INO80: variants seen among roughly 807,000 people sequenced by gnomAD.
The protein encoded by INO80 is INO80 complex ATPase subunit, also known as chromatin-remodeling ATPase INO80.
Under a neutral mutation model 203.4 loss-of-function variants are expected in INO80, and 20 were observed. The observed-to-expected ratio is 0.10, with a 90% CI of 0.07 to 0.14. The LOEUF (loss-of-function observed/expected upper bound fraction) is 0.14. Among genes scored for constraint, INO80 ranks in the 10% least tolerant of loss-of-function variants. The pLI is 1.00. For synonymous variants in INO80, 726 were observed against 685.2 expected (o/e 1.06, Z -0.93); for missense variants, 1,419 against 1,914.4 (o/e 0.74, Z 4.83).
chr15:41,051,054 G>A (rs561777310), intron 19 of INO80, among the ~76,000 whole-genome samples: 27 of 147,174 alleles, frequency 1.8e-4, no homozygotes, highest in East Asian at 1.8e-3. Context: ...ACTTGAACCC[G>A]GGAGGCAGAA....
At chr15:41,080,579 G>A (rs1189480381) in intron 8 of INO80, among the ~76,000 whole-genome samples, 1 of 152,202 alleles carries the variant, frequency 6.6e-6, no homozygotes, top group Non-Finnish European at 1.5e-5. Flanking sequence ...ATTGAGGCCG[G>A]GCGCGGTGGC....
At chr15:41,033,696 T>C (rs958098914) in intron 24 of INO80, among the ~76,000 whole-genome samples, 2 of 152,162 alleles carry the variant, frequency 1.3e-5, no homozygotes, top group African/African-American at 2.4e-5. Flanking sequence ...GTTTTTGTTC[T>C]ACAAACATAA....
chr15:41,087,601 G>A lies in INO80; in HGVS notation c.619C>T (p.Pro207Ser). The change falls in exon 6 of 36, where the codon CCC (proline) becomes TCC (serine). Residue 207 changes from proline (P) to serine (S), a missense_variant. Pro to Ser is a moderately conservative substitution (Grantham distance 74, BLOSUM62 -1). Around this residue, in one of 9 missense-constraint regions of INO80, gnomAD observed 323 missense variants for 325.4 expected, o/e 0.99. Coordinates refer to ENST00000648947, the MANE Select transcript of INO80 (RefSeq NM_017553.3). ...FYEQQRHLLG[P>S]KKKKFKEEKK... Reference sequence around the variant, plus strand: ...TCCTCCTTAAATTTCTTTTTCTTGGGTCCAAGTAGGTGCCGTTGTTGCTCA... The same window carrying A: ...TCCTCCTTAAATTTCTTTTTCTTGGATCCAAGTAGGTGCCGTTGTTGCTCA... The A allele has an allele frequency of 6.2e-7, 1 of 1,613,764 alleles. No homozygotes were observed. The highest frequency in any genetic ancestry group is 8.5e-7 in the Non-Finnish European group (1 of 1,179,954).
rs751407826 is a variant in INO80, at chr15:41,035,526, T to TA, written c.2908-7791dup. Among the ~76,000 whole-genome samples, 736 of 132,128 alleles carry TA rather than the reference T, an allele frequency of 5.6e-3. 2 individuals are homozygous for TA. The highest frequency in any genetic ancestry group is 7.0e-3 in the South Asian group (29 of 4,160). The allele number at this position is 132,128 out of a possible 152,430, so 86.7% of individuals were successfully genotyped here. ...GGGTGACAAAGCAAGACTACATCTCTAAAAAAAAAAAAAGACCGGGCGCGG... is the reference window on the plus strand; with the variant it reads ...GGGTGACAAAGCAAGACTACATCTCTAAAAAAAAAAAAAAGACCGGGCGCGG... On this transcript the variant is annotated intron_variant, in intron 24 of 35. Transcript: ENST00000648947.
At chr15:41,078,696 A>C (rs1250619460) in intron 9 of INO80, among the ~76,000 whole-genome samples, 1 of 152,118 alleles carries the variant, frequency 6.6e-6, no homozygotes, top group Admixed American at 6.6e-5. Flanking sequence ...TCTTTCTTCA[A>C]ATCTCAACTC....
chr15:41,033,556 G>T (rs2044524515), intron 24 of INO80, among the ~76,000 whole-genome samples: 1 of 152,044 alleles, frequency 6.6e-6, no homozygotes, highest in Non-Finnish European at 1.5e-5. Context: ...AATAACTCTG[G>T]CCAGAGGTAC....
At position 41,087,638 on chromosome 15, in the gene INO80, A is replaced by G. The variant is rs965515698; in HGVS notation, c.582T>C (p.Tyr194=). The G allele has an allele frequency of 3.1e-6, 5 of 1,613,926 alleles. No individual in the cohort carries two copies. Among genetic ancestry groups the G allele is most frequent in the Non-Finnish European group, 2.5e-6 (3 of 1,179,948 alleles). The stretch of plus-strand genomic sequence containing the variant: ...GCCGTTGTTGCTCATAGAAAGGGTC[A>G]TATGTGGAGAGCAGGCCTGCACTGT... ...QYYSAGLLST[Y]DPFYEQQRHL... is the part of the protein sequence containing the mutation. The change falls in exon 6 of 36, where the codon TAT becomes TAC. Residue 194 remains tyrosine, a synonymous_variant. Coordinates refer to ENST00000648947, the MANE Select transcript of INO80 (RefSeq NM_017553.3).
At chr15:41,044,331 T>C (rs988833203) in intron 24 of INO80, among the ~76,000 whole-genome samples, 2 of 152,142 alleles carry the variant, frequency 1.3e-5, no homozygotes, top group East Asian at 1.9e-4. Context: ...GATTAATAAA[T>C]TGTGGTCCAT....
At chr15:41,028,000 A>G (rs1472794436) in intron 24 of INO80, 3 of 240,612 alleles carry the variant, frequency 1.2e-5, no homozygotes, top group Non-Finnish European at 2.4e-5. Flanking sequence ...ATTGTTAATC[A>G]AAAACAGGCA....
intron 31 of INO80, among the ~76,000 whole-genome samples, chr15:40,986,513 C>CG (rs537965371): frequency 7.4e-4 from 112 of 151,984 alleles, no homozygotes; most frequent in African/African-American, 2.6e-3. Flanking sequence ...TTAGTAGAGA[C>CG]GGGGCTTCAC....
intron 1 of INO80, among the ~76,000 whole-genome samples, chr15:41,111,728 G>A (rs1288640228): frequency 1.3e-5 from 2 of 151,296 alleles, no homozygotes; most frequent in African/African-American, 2.4e-5. Context: ...ACTTGAACTC[G>A]GGAGGCGGAG....
At chr15:40,996,308 A>C (rs572384268) in intron 29 of INO80, among the ~76,000 whole-genome samples, 3 of 152,228 alleles carry the variant, frequency 2.0e-5, no homozygotes, top group African/African-American at 7.2e-5. Context: ...CTTAGCAATA[A>C]TTTTGAGATT....
In INO80 at chr15:41,115,284, T is replaced by C. The variant is rs575660850; in HGVS notation, c.-44+689A>G. Reference sequence around the variant, plus strand: ...TGCCTAGGTTCTGTCATTCCTAAACTGTAGGGGGCTTCTAGCCTCGGAGAT... The same window carrying C: ...TGCCTAGGTTCTGTCATTCCTAAACCGTAGGGGGCTTCTAGCCTCGGAGAT... On this transcript the variant is annotated intron_variant, in intron 1 of 35. Transcript: ENST00000648947. Among the ~76,000 whole-genome samples the C allele has an allele frequency of 4.6e-5, 7 of 152,322 alleles. No individual in the cohort carries two copies. The South Asian group carries it at 1.2e-3, about 27-fold the overall frequency.
At chr15:41,097,121 G>A (rs896904564) in intron 1 of INO80, among the ~76,000 whole-genome samples, 2 of 151,878 alleles carry the variant, frequency 1.3e-5, no homozygotes, top group Non-Finnish European at 2.9e-5. Flanking sequence ...ACGGAGTCTC[G>A]CTCTGTCACC....
At position 40,997,553 on chromosome 15, in the gene INO80, A is replaced by G; in HGVS notation, c.3546T>C (p.Gly1182=). The G allele has an allele frequency of 6.2e-7, 1 of 1,611,886 alleles. No individual in the cohort carries two copies. The highest frequency in any genetic ancestry group is 1.1e-5 in the South Asian group (1 of 91,042). Residue 1182 remains glycine (G), a synonymous_variant, in exon 29 of 36, where the codon GGT becomes GGC. Coordinates refer to ENST00000648947, the MANE Select transcript of INO80 (RefSeq NM_017553.3). ...CTGTGTCTGCAGCAGTGAGATTGAT[A>G]CCCAGTCCTCCAGCTCGTGTGCTTA... The part of the protein sequence containing the change: ...FLLSTRAGGL[G]INLTAADTVI...
intron 7 of INO80, 77 bp from the exon 8 acceptor site, chr15:41,081,150 C>A: frequency 1.1e-6 from 1 of 911,014 alleles, no homozygotes. Flanking sequence ...CAGTCTTTTA[C>A]TCAATTCCTA....
chr15:41,055,514 T>C (rs996782971), intron 17 of INO80, 150 bp from the exon 18 acceptor site: 2 of 399,944 alleles, frequency 5.0e-6, no homozygotes, highest in East Asian at 7.6e-5. Flanking sequence ...ATGAATGAAT[T>C]CAACTACATT....
intron 24 of INO80, among the ~76,000 whole-genome samples, chr15:41,042,060 CTGGAG>C (rs2044677869): frequency 6.7e-6 from 1 of 149,202 alleles, no homozygotes; most frequent in African/African-American, 2.5e-5. Context: ...GTTGCCCAGG[CTGGAG>C]TGCAGGTGCA....
At chr15:41,083,276 CA>C (rs1250245997) in intron 7 of INO80, among the ~76,000 whole-genome samples, 1,535 of 66,970 alleles carry the variant, frequency 0.023, 21 homozygotes, top group African/African-American at 0.069. Flanking sequence ...GACTCCGTCT[CA>C]AAAAAAAAAA....
Sources: gnomAD v4.1 joint callset for allele counts (sites outside exome capture counted in the v4.1 genomes callset) on GRCh38, gnomAD v4.1.1 for gene constraint, gnomAD v4.1.1 regional missense constraint, MANE v1.5 for transcripts, NCBI Gene and HGNC (gene_info 2026-07-23, HGNC 2026-07-21) for gene names.